SPACA6: variants seen among roughly 807,000 people sequenced by gnomAD.
The protein encoded by SPACA6 is sperm acrosome membrane-associated protein 6.
For missense variants in SPACA6, 8 were observed against 2.8 expected, an observed-to-expected ratio of 2.88 and a Z score of -1.34; for synonymous variants, 6 against 1.5, an observed-to-expected ratio of 4.05 and a Z score of -2.21.
chr19:51,690,681 G>A (rs895399796), upstream of SPACA6, among the ~76,000 whole-genome samples: 9 of 152,254 alleles, frequency 5.9e-5, no homozygotes, highest in Admixed American at 1.3e-4. Context: ...CAGGGAGTTC[G>A]CGTTTCCACC....
At chr19:51,694,744 G>A (rs564821702) in intron 2 of SPACA6, among the ~76,000 whole-genome samples, 189 bp downstream of exon 2, 2 of 152,288 alleles carry the variant, frequency 1.3e-5, no homozygotes, top group African/African-American at 4.8e-5. Context: ...TAAGAGCCAG[G>A]GGCTGAAGGT....
At chr19:51,707,345 C>A (rs1383088881), downstream of SPACA6, among the ~76,000 whole-genome samples, 1 of 151,820 alleles carries the variant, frequency 6.6e-6, no homozygotes, top group African/African-American at 2.4e-5. Flanking sequence ...CTCAGTGTCC[C>A]GAGTAGCTGG....
At chr19:51,699,217 C>T (rs1160103846) in intron 2 of SPACA6, among the ~76,000 whole-genome samples, 1 of 152,132 alleles carries the variant, frequency 6.6e-6, no homozygotes, top group Non-Finnish European at 1.5e-5. Context: ...ATATGTTGCC[C>T]AGGCTTGTCT....
chr19:51,710,346 G>A (rs540707104), downstream of SPACA6, among the ~76,000 whole-genome samples: 87 of 152,320 alleles, frequency 5.7e-4, 1 homozygote, highest in African/African-American at 2.0e-3. Flanking sequence ...ATCAAAGAAT[G>A]CATGAATGGG....
In SPACA6 at chr19:51,693,393, A is replaced by C; in HGVS notation, c.-134A>C. 2 of 677,154 alleles carry C rather than the reference A, an allele frequency of 3.0e-6. No homozygotes were observed. The highest frequency in any genetic ancestry group is 5.6e-6 in the Non-Finnish European group (2 of 354,124). The allele number at this position is 677,154 out of a possible 1,614,324, so 41.9% of individuals were successfully genotyped here. On this transcript the variant is annotated 5_prime_UTR_variant, in exon 1 of 9. Transcript: ENST00000637797. ...TGACTTCTGACCCCTGACTCCTCAT[A>C]CCCTTCCTCCAGAGCATGACATTTG...
upstream of SPACA6, chr19:51,685,721 T>C (rs983345025): frequency 1.3e-5 from 2 of 152,196 alleles, no homozygotes; most frequent in Non-Finnish European, 2.9e-5. Context: ...CCCACTATGT[T>C]GCCCAGGCTG....
intron 2 of SPACA6, among the ~76,000 whole-genome samples, chr19:51,697,070 C>G (rs1013757906): frequency 4.6e-5 from 7 of 152,168 alleles, no homozygotes. Context: ...ACCAGGAGGT[C>G]CAAGGTAGGG....
chr19:51,685,927 T>A (rs1307721801), upstream of SPACA6: 1 of 152,222 alleles, frequency 6.6e-6, no homozygotes, highest in East Asian at 1.9e-4. Flanking sequence ...TTTGGAGCAT[T>A]TCAGATTCGA....
At chr19:51,685,833 G>A (rs528058176), upstream of SPACA6, 1 of 152,296 alleles carries the variant, frequency 6.6e-6, no homozygotes, top group Admixed American at 6.5e-5. Flanking sequence ...ACAAAGTTTT[G>A]ACTGCAATCT....
chr19:51,711,636 C>G (rs890301435), intron 2 of SPACA6, among the ~76,000 whole-genome samples: 8 of 152,062 alleles, frequency 5.3e-5, no homozygotes, highest in African/African-American at 1.9e-4. Flanking sequence ...TGGAGATATC[C>G]CAAATGTCCA....
chr19:51,703,200 C>T lies in SPACA6; in HGVS notation c.464-28C>T. On this transcript the variant is annotated intron_variant, in intron 5 of 8. Coordinates refer to ENST00000637797, the MANE Select transcript of SPACA6 (RefSeq NM_001316972.2). The surrounding 1 kb of genome is among the most constrained non-coding windows in gnomAD (Gnocchi z 4.2). ...GGCGAGGCCAGACGTGGTCGGGGCC[C>T]AGCGAGTGAACCCTGCTCCGTCTTC... The T allele has an allele frequency of 2.5e-6, 1 of 399,414 alleles. No homozygotes were observed. Among genetic ancestry groups the T allele is most frequent in the Non-Finnish European group, 4.4e-6 (1 of 226,150 alleles). The allele number at this position is 399,414 out of a possible 1,614,324, so 24.7% of individuals were successfully genotyped here.
At chr19:51,698,907 C>T (rs2083448671) in intron 2 of SPACA6, among the ~76,000 whole-genome samples, 2 of 152,300 alleles carry the variant, frequency 1.3e-5, no homozygotes, top group Middle Eastern at 3.4e-3. Flanking sequence ...GGGAGTAGCC[C>T]TTGTCCTCAT....
upstream of SPACA6, chr19:51,692,608 T>C: frequency 1.9e-6 from 1 of 528,828 alleles, no homozygotes; most frequent in Non-Finnish European, 3.9e-6. This position sits in a 1 kb window ranked among gnomAD's most constrained non-coding sequence, Gnocchi z 5.6. Flanking sequence ...GACTCCTGGG[T>C]CCTGGCACCC....
chr19:51,701,759 A>G (rs2083470133), intron 3 of SPACA6, 33 bp downstream of exon 3: 1 of 396,136 alleles, frequency 2.5e-6, no homozygotes. Flanking sequence ...TTCCCCAGAC[A>G]CACACACACA....
In SPACA6 at chr19:51,693,740, A is replaced by G. The variant is rs1354545791; in HGVS notation, c.214A>G (p.Asn72Asp). 4 of 407,110 alleles carry G rather than the reference A, an allele frequency of 9.8e-6. No individual in the cohort carries two copies. Among genetic ancestry groups the G allele is most frequent in the Admixed American group, 8.4e-5 (2 of 23,870 alleles). The allele number at this position is 407,110 out of a possible 1,614,324, so 25.2% of individuals were successfully genotyped here. The change falls in exon 1 of 9, where the codon AAC becomes GAC. Residue 72 changes from asparagine (N) to aspartate (D), a missense_variant and splice_region_variant. Physicochemically the swap from Asn to Asp is conservative, Grantham distance 23. Transcript: ENST00000637797. ...CCAGGGCCTCTCTGACACCGAAATC[A>G]GTGAGGAGACCATCCACACTTCATC... ...AFQGLSDTEI[N>D]YDERSHLHDT...
chr19:51,704,707 C>T (rs1173628319), intron 8 of SPACA6: 1 of 391,526 alleles, frequency 2.6e-6, no homozygotes, highest in Admixed American at 4.5e-5. Context: ...AGCCCCTCCT[C>T]CCTCAGACCC....
At chr19:51,700,506 T>C (rs2083460684) in intron 2 of SPACA6, among the ~76,000 whole-genome samples, 1 of 152,242 alleles carries the variant, frequency 6.6e-6, no homozygotes, top group Non-Finnish European at 1.5e-5. Context: ...TGTTGGCAAC[T>C]GGTTCATTTT....
At chr19:51,685,026 G>A (rs2083322181), upstream of SPACA6, among the ~76,000 whole-genome samples, 1 of 152,212 alleles carries the variant, frequency 6.6e-6, no homozygotes, top group South Asian at 2.1e-4. Flanking sequence ...CTGCTACTTT[G>A]ATGTTCCTCA....
At position 51,703,603 on chromosome 19, in the gene SPACA6, C is replaced by T. The variant is rs2083487616; in HGVS notation, c.573+266C>T. ...CTTGAGCCCAGGAGTTTGAGACCGG[C>T]CTCGGCAACAAATTAAGACCCCTCC... On this transcript the variant is annotated intron_variant, in intron 6 of 8. Transcript: ENST00000637797. The surrounding 1 kb of genome is among the most constrained non-coding windows in gnomAD (Gnocchi z 4.2). Among the ~76,000 whole-genome samples the T allele has an allele frequency of 1.3e-5, 2 of 152,092 alleles. No individual in the cohort carries two copies. Among genetic ancestry groups the T allele is most frequent in the African/African-American group, 4.8e-5 (2 of 41,416 alleles).
Sources: allele counts gnomAD v4.1 joint callset (sites outside exome capture counted in the v4.1 genomes callset), GRCh38; gene constraint gnomAD v4.1.1; non-coding constraint Gnocchi (gnomAD v3.1); transcripts MANE v1.5; gene names NCBI Gene and HGNC (gene_info 2026-07-23, HGNC 2026-07-21).